KRTCAP3: variants seen among roughly 807,000 people sequenced by gnomAD.
The protein encoded by KRTCAP3 is keratinocyte associated protein 3.
Under a neutral mutation model 20.5 loss-of-function variants are expected in KRTCAP3, and 18 were observed. The ratio of observed to expected loss-of-function variants is 0.88; its 90% CI spans 0.61 to 1.31. The LOEUF is 1.31. Among genes scored for constraint, KRTCAP3 ranks in the 50% most tolerant of loss-of-function variants. The pLI is 0.00. For synonymous variants in KRTCAP3, 167 were observed against 133.7 expected (o/e 1.25, Z -1.72); for missense variants, 347 against 310.4 (o/e 1.12, Z -0.89).
intron 1 of KRTCAP3, 55 bp downstream of exon 1, chr2:27,442,495 G>T: frequency 6.5e-7 from 1 of 1,546,136 alleles, no homozygotes; most frequent in African/African-American, 1.4e-5. Context: ...CCCTTGCCCC[G>T]TCCTACTGCC....
downstream of KRTCAP3, chr2:27,446,224 C>T (rs1284088994): frequency 1.9e-5 from 31 of 1,597,188 alleles, no homozygotes; most frequent in Non-Finnish European, 2.7e-5. Context: ...CTTTAACTTC[C>T]TCCTATCTGC....
chr2:27,444,621 TCCCA>T, downstream of KRTCAP3: 1 of 857,110 alleles, frequency 1.2e-6, no homozygotes, highest in Non-Finnish European at 1.9e-6. Context: ...CTTCCTGTAA[TCCCA>T]CCCATCTTTC....
rs756970933 is a variant in KRTCAP3, at chr2:27,443,521, C to G, written c.604C>G (p.Leu202Val). 6.2e-7 allele frequency: 1 copy of G among 1,614,122 alleles called. No individual in the cohort carries two copies. Among genetic ancestry groups the G allele is most frequent in the South Asian group, 1.1e-5 (1 of 91,080 alleles). ...AGTTGGGCCCTGCAGGAAGGACGGA[C>G]TTCAGGGGCAGGTAAGGAAGGCAAA... is the stretch of plus-strand genomic sequence containing the variant. Reference protein sequence around the residue: ...RGVGPCRKDGLQGQLEEMTEL... With the variant: ...RGVGPCRKDGVQGQLEEMTEL... The change falls in exon 5 of 7, where the codon CTT becomes GTT. Residue 202 changes from leucine to valine, a missense_variant. Transcript: ENST00000288873.
At position 27,444,198 on chromosome 2, in the gene KRTCAP3, C is replaced by CGA. The variant is rs1411693484; in HGVS notation, c.*21_*22dup. On this transcript the variant is annotated 3_prime_UTR_variant, in exon 7 of 7. Coordinates refer to ENST00000288873, the MANE Select transcript of KRTCAP3 (RefSeq NM_173853.4). ...CCCCTCTGTCCAGCAGGTGCTGTTC[C>CGA]GAGACTCAGTCCTAAAGGGTTTTTT... The CGA allele has an allele frequency of 1.2e-5, 8 of 678,504 alleles. No individual in the cohort carries two copies. The allele number at this position is 678,504 out of a possible 1,614,324, so 42.0% of individuals were successfully genotyped here. A position where few individuals can be genotyped will look rare whatever the true frequency, so the allele number is the denominator to read the frequency against.
Position 27,443,110 on chromosome 2 carries a change from C to T in KRTCAP3, c.310C>T (p.Leu104Phe), listed in dbSNP as rs773597281. The T allele has an allele frequency of 2.5e-6, 4 of 1,614,072 alleles. No homozygotes were observed. The highest frequency in any genetic ancestry group is 3.4e-6 in the Non-Finnish European group (4 of 1,180,032). Reference sequence around the variant, plus strand: ...GCTGGCACTAGCTCTGGTGAACCTGCTCTTGTCCGTTGCCTGCTCCCTGGG... The same window carrying T: ...GCTGGCACTAGCTCTGGTGAACCTGTTCTTGTCCGTTGCCTGCTCCCTGGG... The part of the protein sequence containing the change: ...VLLALALVNL[L>F]LSVACSLGLL... The change falls in exon 4 of 7, where the codon CTC becomes TTC. Residue 104 changes from leucine (L) to phenylalanine (F), a missense_variant. Leu to Phe is a conservative substitution (Grantham distance 22). Coordinates refer to ENST00000288873, the MANE Select transcript of KRTCAP3 (RefSeq NM_173853.4).
At position 27,443,859 on chromosome 2, in the gene KRTCAP3, G is replaced by C. The variant is rs549007909; in HGVS notation, c.616-90G>C. The C allele has an allele frequency of 8.7e-6, 7 of 801,124 alleles. No homozygotes were observed. The South Asian group carries it at 8.8e-5, about 10-fold the overall frequency. The allele number at this position is 801,124 out of a possible 1,614,324, so 49.6% of individuals were successfully genotyped here. On this transcript the variant is annotated intron_variant, in intron 5 of 6. Coordinates refer to ENST00000288873, the MANE Select transcript of KRTCAP3 (RefSeq NM_173853.4). Reference sequence around the variant, plus strand: ...CCACTGCACTCCAGCCTGGGCAACAGAGTGAGGCTCCGTCACAAAAAACAA... The same window carrying C: ...CCACTGCACTCCAGCCTGGGCAACACAGTGAGGCTCCGTCACAAAAAACAA...
At position 27,442,741 on chromosome 2, in the gene KRTCAP3, T is replaced by A; in HGVS notation, c.191T>A (p.Ile64Asn). The change falls in exon 2 of 7, where the codon ATC (isoleucine) becomes AAC (asparagine). Residue 64 changes from isoleucine (I) to asparagine (N), a missense_variant. Physicochemically the swap from Ile to Asn is moderately radical, Grantham distance 149 (BLOSUM62 -3). Coordinates refer to ENST00000288873, the MANE Select transcript of KRTCAP3 (RefSeq NM_173853.4). Reference protein sequence around the residue: ...VTPEYTVANVISVGSGLLSVS... With the variant: ...VTPEYTVANVNSVGSGLLSVS... Reference sequence around the variant, plus strand: ...CCGGAGTACACCGTAGCCAATGTCATCTCTGTCGGCTCGGGGCTGCTGGTG... The same window carrying A: ...CCGGAGTACACCGTAGCCAATGTCAACTCTGTCGGCTCGGGGCTGCTGGTG... The A allele has an allele frequency of 6.2e-7, 1 of 1,604,972 alleles. No individual in the cohort carries two copies. Among genetic ancestry groups the A allele is most frequent in the Admixed American group, 1.7e-5 (1 of 59,292 alleles).
downstream of KRTCAP3, chr2:27,445,319 C>G (rs773691500): frequency 2.5e-6 from 4 of 1,612,880 alleles, no homozygotes; most frequent in East Asian, 8.9e-5. This position sits in a 1 kb window ranked among gnomAD's most constrained non-coding sequence, Gnocchi z 4.4. Context: ...GGGCAGGGCT[C>G]GAACACCAGT....
chr2:27,444,615 C>A, downstream of KRTCAP3: 1 of 904,752 alleles, frequency 1.1e-6, no homozygotes, highest in Non-Finnish European at 1.8e-6. Flanking sequence ...ATCTGCCTTC[C>A]TGTAATCCCA....
downstream of KRTCAP3, chr2:27,445,305 G>A (rs917873749): frequency 5.6e-6 from 9 of 1,611,916 alleles, no homozygotes; most frequent in Middle Eastern, 1.7e-4. This position sits in a 1 kb window ranked among gnomAD's most constrained non-coding sequence, Gnocchi z 4.4. Context: ...CCTGTAATAA[G>A]GCAGGGCAGG....
rs780834191 is a variant in KRTCAP3, at chr2:27,443,267, C to T, written c.467C>T (p.Pro156Leu). ...GGACATACTGACTGCCCCTTTGACC[C>T]CACAAGAATCTATGTGAGCACATTC... is the stretch of plus-strand genomic sequence containing the variant. ...GPGHTDCPFD[P>L]TRIYDTALAL... Residue 156 changes from proline to leucine, a missense_variant, in exon 4 of 7, where the codon CCC (proline) becomes CTC (leucine). Physicochemically the swap from Pro to Leu is moderately conservative, Grantham distance 98 (BLOSUM62 -3). Transcript: ENST00000288873. 1.9e-6 allele frequency: 3 copies of T among 1,614,020 alleles called. No homozygotes were observed. Among genetic ancestry groups the T allele is most frequent in the Non-Finnish European group, 2.5e-6 (3 of 1,179,990 alleles).
chr2:27,442,880 G>A lies in KRTCAP3; in HGVS notation c.252G>A (p.Arg84=). ...GACTTGTGGCCCTCCTGGCGTCCAG[G>A]AACCTTCTTCGCCCTCCACTGGTGA... is the stretch of plus-strand genomic sequence containing the variant. ...SVGLVALLAS[R]NLLRPPLHWV... Residue 84 remains arginine, a synonymous_variant, in exon 3 of 7, where the codon AGG becomes AGA. Coordinates refer to ENST00000288873, the MANE Select transcript of KRTCAP3 (RefSeq NM_173853.4). 1 of 1,612,966 alleles carries A rather than the reference G, an allele frequency of 6.2e-7. No homozygotes were observed. The highest frequency in any genetic ancestry group is 8.5e-7 in the Non-Finnish European group (1 of 1,180,034).
rs1664787282 is a variant in KRTCAP3, at chr2:27,443,975, T to A, written c.642T>A (p.Ser214=). The A allele has an allele frequency of 9.3e-6, 15 of 1,611,130 alleles. No homozygotes were observed. The Middle Eastern group carries it at 1.3e-3, about 142-fold the overall frequency. Residue 214 remains serine, a synonymous_variant, in exon 6 of 7, where the codon TCT becomes TCA. Coordinates refer to ENST00000288873, the MANE Select transcript of KRTCAP3 (RefSeq NM_173853.4). ...TAGAGGAAATGACAGAGCTTGAATC[T>A]CCTAAATGTAAAAGGCAGGAAAATG... ...GQLEEMTELE[S]PKCKRQENEQ...
downstream of KRTCAP3, chr2:27,446,349 C>T (rs141098495): frequency 9.3e-5 from 150 of 1,614,164 alleles, no homozygotes; most frequent in African/African-American, 1.7e-3. Context: ...CTGGCAGCCA[C>T]GGTTTCCTGG....
Position 27,442,839 on chromosome 2 carries a change from C to G in KRTCAP3, c.214-3C>G, listed in dbSNP as rs1365654271. On this transcript the variant is annotated splice_region_variant and splice_polypyrimidine_tract_variant and intron_variant, in intron 2 of 6. Coordinates refer to ENST00000288873, the MANE Select transcript of KRTCAP3 (RefSeq NM_173853.4). ...CAGGCCAAAGGCTTTGTGTCTTCCA[C>G]AGAGCGTTTCCGTGGGACTTGTGGC... 1 of 1,611,888 alleles carries G rather than the reference C, an allele frequency of 6.2e-7. No homozygotes were observed. The highest frequency in any genetic ancestry group is 1.3e-5 in the African/African-American group (1 of 75,058).
At chr2:27,445,197 T>TG, downstream of KRTCAP3, 2 of 1,591,852 alleles carry the variant, frequency 1.3e-6, no homozygotes, top group Non-Finnish European at 1.7e-6. The surrounding 1 kb of genome is among the most constrained non-coding windows in gnomAD (Gnocchi z 4.4). Flanking sequence ...AGCACAGTCC[T>TG]GTCTTTTGTA....
downstream of KRTCAP3, chr2:27,446,350 G>A (rs1665096696): frequency 5.0e-6 from 8 of 1,614,134 alleles, no homozygotes; most frequent in South Asian, 2.2e-5. Context: ...TGGCAGCCAC[G>A]GTTTCCTGGG....
At chr2:27,445,296 C>T (rs200049734), downstream of KRTCAP3, 1 of 1,610,758 alleles carries the variant, frequency 6.2e-7, no homozygotes. The surrounding 1 kb of genome is among the most constrained non-coding windows in gnomAD (Gnocchi z 4.4). Flanking sequence ...GCTTCTATAC[C>T]TGTAATAAGG....
intron 3 of KRTCAP3, 35 bp from the exon 4 acceptor site, chr2:27,443,039 C>G (rs755076513): frequency 1.3e-6 from 2 of 1,592,182 alleles, no homozygotes; most frequent in Non-Finnish European, 1.7e-6. Flanking sequence ...TTAGCCAGGC[C>G]CAGGCTGCTC....
Sources: allele counts gnomAD v4.1 joint callset, GRCh38; gene constraint gnomAD v4.1.1; non-coding constraint Gnocchi (gnomAD v3.1); transcripts MANE v1.5; gene names NCBI Gene and HGNC (gene_info 2026-07-23, HGNC 2026-07-21).